Variants in CCDC192 observed in about 807,000 individuals in gnomAD.
CCDC192 encodes coiled-coil domain-containing protein 192.
intron 3 of CCDC192, among the ~76,000 whole-genome samples, chr5:127,769,742 C>G (rs1260752086): frequency 6.6e-6 from 1 of 151,968 alleles, no homozygotes; most frequent in East Asian, 1.9e-4. Context: ...AATAAGGTGC[C>G]CAGAAAATTG....
At chr5:127,798,030 C>A (rs1026581056) in intron 4 of CCDC192, 76 bp from the exon 5 acceptor site, 5 of 396,092 alleles carry the variant, frequency 1.3e-5, no homozygotes, top group African/African-American at 1.0e-4. Flanking sequence ...AACTGATACA[C>A]ATTTATGTCT....
At chr5:127,732,262 T>C (rs1032482042) in intron 2 of CCDC192, among the ~76,000 whole-genome samples, 2 of 152,186 alleles carry the variant, frequency 1.3e-5, no homozygotes, top group Non-Finnish European at 2.9e-5. Flanking sequence ...TCACTGATCA[T>C]TAGAGAAATG....
intron 2 of CCDC192, among the ~76,000 whole-genome samples, chr5:127,752,305 T>G (rs12517225): frequency 0.059 from 8,927 of 152,220 alleles, 571 homozygotes; most frequent in East Asian, 0.27. Context: ...TGGATGTCCT[T>G]TCTGTTTGTT....
chr5:127,706,768 C>G (rs1194192062), intron 1 of CCDC192, among the ~76,000 whole-genome samples: 1 of 151,918 alleles, frequency 6.6e-6, no homozygotes, highest in African/African-American at 2.4e-5. Flanking sequence ...AATAAGCAAA[C>G]TATATAGTAT....
Position 127,899,328 on chromosome 5 carries a change from A to G in CCDC192, c.535+23667A>G, listed in dbSNP as rs74740250. Among the ~76,000 whole-genome samples, 555 of 152,286 alleles carry G rather than the reference A, an allele frequency of 3.6e-3. 3 individuals carry two copies. Among genetic ancestry groups the G allele is most frequent in the Middle Eastern group, 0.014 (4 of 294 alleles). ...CAGTGGAAAGGTTAAGGGACCATCC[A>G]AAGAGAGATCCAAGCCCTGCTCTGA... On this transcript the variant is annotated intron_variant, in intron 6 of 6. Transcript: ENST00000514853.
At chr5:127,883,912 G>A (rs776807990) in intron 6 of CCDC192, among the ~76,000 whole-genome samples, 2 of 152,166 alleles carry the variant, frequency 1.3e-5, no homozygotes, top group African/African-American at 2.4e-5. Context: ...AGGCTGAACC[G>A]CGGGCTTTCT....
intron 3 of CCDC192, among the ~76,000 whole-genome samples, chr5:127,793,283 C>G (rs1371540821): frequency 6.6e-6 from 1 of 152,058 alleles, no homozygotes; most frequent in African/African-American, 2.4e-5. Context: ...TTAAATATAT[C>G]TGAGTCAAAG....
intron 6 of CCDC192, among the ~76,000 whole-genome samples, chr5:127,933,546 G>T (rs1754107833): frequency 6.6e-6 from 1 of 152,192 alleles, no homozygotes. Context: ...CATGAGTGAT[G>T]CGAGTGGTTA....
chr5:127,911,840 G>C (rs1262601198), intron 6 of CCDC192, among the ~76,000 whole-genome samples: 1 of 151,812 alleles, frequency 6.6e-6, no homozygotes, highest in Non-Finnish European at 1.5e-5. Flanking sequence ...CTCAGTAGCT[G>C]GGACTACAGG....
At chr5:127,773,060 C>T (rs1402787808) in intron 3 of CCDC192, among the ~76,000 whole-genome samples, 1 of 151,918 alleles carries the variant, frequency 6.6e-6, no homozygotes, top group Non-Finnish European at 1.5e-5. Flanking sequence ...AAATAGCTAC[C>T]TCACAGAAGA....
chr5:127,845,304 T>C (rs916427820), intron 5 of CCDC192, among the ~76,000 whole-genome samples: 2 of 152,074 alleles, frequency 1.3e-5, no homozygotes, highest in Non-Finnish European at 2.9e-5. Context: ...TTTCAAGACA[T>C]GTGGCCACGA....
At chr5:127,930,197 T>C (rs1442219301) in intron 6 of CCDC192, among the ~76,000 whole-genome samples, 3 of 148,038 alleles carry the variant, frequency 2.0e-5, no homozygotes, top group African/African-American at 7.5e-5. Context: ...GAGTGAGACT[T>C]CTTCTCAAAT....
intron 3 of CCDC192, among the ~76,000 whole-genome samples, chr5:127,762,940 T>C (rs1382399577): frequency 6.6e-6 from 1 of 152,206 alleles, no homozygotes; most frequent in Non-Finnish European, 1.5e-5. Context: ...AGGCATTCTG[T>C]TTGGTACTTC....
At chr5:127,835,415 G>T (rs1245456019) in intron 5 of CCDC192, among the ~76,000 whole-genome samples, 1 of 152,154 alleles carries the variant, frequency 6.6e-6, no homozygotes, top group African/African-American at 2.4e-5. Flanking sequence ...CTCTGAGGAT[G>T]CACACAGTGT....
chr5:127,941,174 TG>T lies in CCDC192; in HGVS notation c.536-7del. ...CTGCTCAGACTTTCCTTTTCTTGTT[TG>T]CTTTAGAAGACAGCTTGCTGGAAGG... On this transcript the variant is annotated splice_polypyrimidine_tract_variant and splice_region_variant and intron_variant, in intron 6 of 6. Transcript: ENST00000514853. 2.5e-6 allele frequency: 1 copy of T among 399,086 alleles called. No individual in the cohort carries two copies. The allele number at this position is 399,086 out of a possible 1,614,324, so 24.7% of individuals were successfully genotyped here.
At chr5:127,926,319 A>T (rs1435719571) in intron 6 of CCDC192, among the ~76,000 whole-genome samples, 1 of 152,212 alleles carries the variant, frequency 6.6e-6, no homozygotes, top group African/African-American at 2.4e-5. Flanking sequence ...TCACTTTAAC[A>T]ATCTGATAAG....
chr5:127,755,377 A>G (rs1323975923), intron 3 of CCDC192, among the ~76,000 whole-genome samples: 2 of 152,184 alleles, frequency 1.3e-5, no homozygotes, highest in South Asian at 2.1e-4. Flanking sequence ...ATTTAGTGAT[A>G]CACACACAAA....
intron 6 of CCDC192, among the ~76,000 whole-genome samples, chr5:127,924,644 A>C (rs1753817187): frequency 6.6e-6 from 1 of 152,232 alleles, no homozygotes; most frequent in South Asian, 2.1e-4. Flanking sequence ...CCATGGACTT[A>C]CATATTTACC....
intron 2 of CCDC192, chr5:127,739,514 C>T (rs185351880): frequency 5.0e-5 from 8 of 161,326 alleles, no homozygotes; most frequent in Non-Finnish European, 1.1e-4. Context: ...CAATGGTGGG[C>T]GCCCCTCCCC....
Sources: allele counts gnomAD v4.1 joint callset (sites outside exome capture counted in the v4.1 genomes callset), GRCh38; gene constraint gnomAD v4.1.1; transcripts MANE v1.5; gene names NCBI Gene and HGNC (gene_info 2026-07-23, HGNC 2026-07-21).